ZNF787: variants seen among roughly 807,000 people sequenced by gnomAD.
ZNF787 encodes the protein TTF-I-interacting peptide 20.
ZNF787 carries 7 observed loss-of-function variants against 16.9 expected under a neutral mutation model. The ratio of observed to expected loss-of-function variants is 0.42; its 90% confidence interval spans 0.24 to 0.78. The LOEUF (loss-of-function observed/expected upper bound fraction) is 0.78, where lower values mean the gene tolerates loss of function less well. ZNF787 is among the 30% of genes least tolerant of loss of function. The pLI is 0.30. For missense variants in ZNF787, 551 were observed against 589.3 expected (o/e 0.94, Z 0.67); for synonymous variants, 345 against 270.9 (o/e 1.27, Z -2.69).
chr19:56,109,415 C>T (rs1017702133), intron 1 of ZNF787, among the ~76,000 whole-genome samples: 6 of 152,156 alleles, frequency 3.9e-5, no homozygotes, highest in African/African-American at 9.7e-5. Context: ...AGGAAGAGGA[C>T]GTGCTCATCA....
Position 56,088,731 on chromosome 19 carries a change from C to G in ZNF787, c.441G>C (p.Glu147Asp). ...CGCAGTCGGGGCAGGTGTAGGGCTTCTCGCCCGTGTGGATGCGCTGGTGCT... is the reference window on the plus strand; with the variant it reads ...CGCAGTCGGGGCAGGTGTAGGGCTTGTCGCCCGTGTGGATGCGCTGGTGCT... Reference protein sequence around the residue: ...LMQHQRIHTGEKPYTCPDCGR... With the variant: ...LMQHQRIHTGDKPYTCPDCGR... The change falls in exon 3 of 3, where the codon GAG becomes GAC. Residue 147 changes from glutamate to aspartate, a missense_variant. Around this residue, in one of 4 missense-constraint regions of ZNF787, gnomAD observed 40 missense variants for 60.7 expected, o/e 0.66. Transcript: ENST00000610935. This position sits in a 1 kb window ranked among gnomAD's most constrained non-coding sequence, Gnocchi z 8.6. 6.2e-7 allele frequency: 1 copy of G among 1,610,020 alleles called. No homozygotes were observed. Among genetic ancestry groups the G allele is most frequent in the Non-Finnish European group, 8.5e-7 (1 of 1,178,810 alleles).
chr19:56,120,157 C>T (rs1215525642), intron 1 of ZNF787, among the ~76,000 whole-genome samples: 1 of 152,228 alleles, frequency 6.6e-6, no homozygotes, highest in Non-Finnish European at 1.5e-5. Context: ...ACTCCAAGCC[C>T]TTGTTCATCT....
intron 2 of ZNF787, among the ~76,000 whole-genome samples, chr19:56,101,462 C>G (rs1986096542): frequency 6.6e-6 from 1 of 152,216 alleles, no homozygotes; most frequent in South Asian, 2.1e-4. Context: ...GGACCTGACA[C>G]CTACCTTCTA....
At chr19:56,097,863 C>A (rs556368926) in intron 2 of ZNF787, among the ~76,000 whole-genome samples, 1 of 152,250 alleles carries the variant, frequency 6.6e-6, no homozygotes, top group East Asian at 1.9e-4. Flanking sequence ...CAGGGGCAAC[C>A]CTACTGGAGT....
chr19:56,091,941 C>CGAAACCGAAACCGAAACCGAAACCG (rs1355442364), intron 2 of ZNF787, among the ~76,000 whole-genome samples: 1 of 122,218 alleles, frequency 8.2e-6, no homozygotes, highest in African/African-American at 2.8e-5. Flanking sequence ...AAGCCGAAGC[C>CGAAACCGAAACCGAAACCGAAACCG]AAAGCCAAAG....
intron 1 of ZNF787, among the ~76,000 whole-genome samples, chr19:56,109,480 C>T (rs1156954878): frequency 6.6e-6 from 1 of 152,362 alleles, no homozygotes; most frequent in East Asian, 1.9e-4. Context: ...CCTTATCTCC[C>T]TCAGCCTCCC....
chr19:56,120,581 C>T (rs1375100119), intron 1 of ZNF787, among the ~76,000 whole-genome samples: 1 of 152,142 alleles, frequency 6.6e-6, no homozygotes, highest in East Asian at 1.9e-4. Context: ...AAAGGCCACG[C>T]GCAGCCCGCC....
intron 1 of ZNF787, among the ~76,000 whole-genome samples, chr19:56,105,175 ACAGGCTCTGAGG>A (rs1175243852): frequency 6.6e-6 from 1 of 151,360 alleles, no homozygotes; most frequent in Non-Finnish European, 1.5e-5. Flanking sequence ...ATAAAATGAA[ACAGGCTCTGAGG>A]CAGCCCTCCC....
chr19:56,087,798 G>T lies in ZNF787; in HGVS notation c.*225C>A, dbSNP rs985465267. The T allele has an allele frequency of 7.7e-6, 5 of 651,162 alleles. No individual in the cohort carries two copies. The highest frequency in any genetic ancestry group is 1.1e-5 in the Non-Finnish European group (5 of 467,942). 40.3% of individuals were successfully genotyped at this position (651,162 alleles called of 1,614,324 possible). A position where few individuals can be genotyped will look rare whatever the true frequency, so the allele number is the denominator to read the frequency against. ...CGCAGGCCGATAACTTAGGAAGGGC[G>T]GGCCAGGCTGAGGGGGCAGAGTCTC... On this transcript the variant is annotated 3_prime_UTR_variant, in exon 3 of 3. Coordinates refer to ENST00000610935, the MANE Select transcript of ZNF787 (RefSeq NM_001002836.4).
intron 1 of ZNF787, among the ~76,000 whole-genome samples, chr19:56,104,424 C>T (rs1986221090): frequency 1.6e-5 from 1 of 61,858 alleles, no homozygotes. Context: ...ACCCGTGCCA[C>T]GCACCGGGAG....
chr19:56,115,732 G>A (rs969370117), intron 1 of ZNF787, among the ~76,000 whole-genome samples: 3 of 151,918 alleles, frequency 2.0e-5, no homozygotes, highest in Non-Finnish European at 2.9e-5. Context: ...GACAGCTCAC[G>A]GCCCCAGCCA....
rs1419596855 is a variant in ZNF787, at chr19:56,087,577, A to AAG, written c.*444_*445dup. The AAG allele has an allele frequency of 7.1e-6, 1 of 141,796 alleles. No individual in the cohort carries two copies. The highest frequency in any genetic ancestry group is 1.6e-5 in the Non-Finnish European group (1 of 64,438). The allele number at this position is 141,796 out of a possible 1,614,324, so 8.8% of individuals were successfully genotyped here. A position where few individuals can be genotyped will look rare whatever the true frequency, so the allele number is the denominator to read the frequency against. On this transcript the variant is annotated 3_prime_UTR_variant, in exon 3 of 3. Coordinates refer to ENST00000610935, the MANE Select transcript of ZNF787 (RefSeq NM_001002836.4). ...GGGAGTCAAAAGGTGGGCTGATTAA[A>AAG]AGAAAATTCTAAAAGAGAAAAGGGC...
rs537440919 is a variant in ZNF787 at position 56,093,548 on chromosome 19, G to A, written c.80-4456C>T. Among the ~76,000 whole-genome samples the A allele has an allele frequency of 2.6e-5, 4 of 152,276 alleles. No homozygotes were observed. In the East Asian group the frequency reaches 7.7e-4, roughly 29 times the overall value. On this transcript the variant is annotated intron_variant, in intron 2 of 2. Transcript: ENST00000610935. ...CCGACTGAGACATGTTCGGGCTCAG[G>A]AGACTGACCTGCTCACACCCTCCTC...
intron 1 of ZNF787, among the ~76,000 whole-genome samples, chr19:56,120,208 C>G (rs1295326986): frequency 6.6e-6 from 1 of 152,212 alleles, no homozygotes; most frequent in Non-Finnish European, 1.5e-5. Context: ...GGGCCTGGCA[C>G]TGGAAAAACT....
intron 2 of ZNF787, among the ~76,000 whole-genome samples, chr19:56,094,986 T>A (rs1002314270): frequency 2.0e-5 from 3 of 152,120 alleles, no homozygotes; most frequent in Non-Finnish European, 2.9e-5. Context: ...TGGTGGTGTG[T>A]GCCCGTAATC....
intron 1 of ZNF787, among the ~76,000 whole-genome samples, chr19:56,120,529 G>C (rs1341591226): frequency 6.6e-6 from 1 of 152,330 alleles, no homozygotes; most frequent in African/African-American, 2.4e-5. Flanking sequence ...CGAATGAATG[G>C]GCCTCCTGCC....
In ZNF787 at chr19:56,087,931, C is replaced by A; in HGVS notation, c.*92G>T. 7.8e-7 allele frequency: 1 copy of A among 1,288,022 alleles called. No individual in the cohort carries two copies. The highest frequency in any genetic ancestry group is 9.8e-7 in the Non-Finnish European group (1 of 1,018,432). 79.8% of individuals were successfully genotyped at this position (1,288,022 alleles called of 1,614,324 possible). A position where few individuals can be genotyped will look rare whatever the true frequency, so the allele number is the denominator to read the frequency against. ...GGATGCCGCGGGGTCCATCGCACCC[C>A]GTCCGCTTCTCCCTGGGTCTCTTGG... On this transcript the variant is annotated 3_prime_UTR_variant, in exon 3 of 3. Coordinates refer to ENST00000610935, the MANE Select transcript of ZNF787 (RefSeq NM_001002836.4).
chr19:56,109,970 A>T (rs1421436717), intron 1 of ZNF787, among the ~76,000 whole-genome samples: 3 of 152,260 alleles, frequency 2.0e-5, no homozygotes, highest in African/African-American at 7.2e-5. Flanking sequence ...CCAAGGAGGG[A>T]AGCCACTGCA....
chr19:56,102,928 A>G, intron 2 of ZNF787: 1 of 709,106 alleles, frequency 1.4e-6, no homozygotes, highest in South Asian at 1.5e-5. Flanking sequence ...AAGATCATCC[A>G]GCAGAAAGGA....
Sources: allele counts gnomAD v4.1 joint callset (sites outside exome capture counted in the v4.1 genomes callset), GRCh38; gene constraint gnomAD v4.1.1; regional missense constraint gnomAD v4.1.1; non-coding constraint Gnocchi (gnomAD v3.1); transcripts MANE v1.5; gene names NCBI Gene and HGNC (gene_info 2026-07-23, HGNC 2026-07-21).